Variants in MS4A4E observed in about 807,000 individuals in gnomAD.
MS4A4E encodes the protein putative membrane-spanning 4-domains subfamily A member 4E.
A neutral mutation model predicts 13.3 loss-of-function variants in MS4A4E; 23 were observed. The ratio of observed to expected loss-of-function variants is 1.73; its 90% CI spans 1.25 to 2.45. MS4A4E has a LOEUF of 2.45. Among genes scored for constraint, MS4A4E ranks in the 30% most tolerant of loss-of-function variants. The pLI is 0.00. For synonymous variants in MS4A4E, 36 were observed against 45.6 expected, an observed-to-expected ratio of 0.79 and a Z score of 0.85; for missense variants, 144 against 131.2, an observed-to-expected ratio of 1.10 and a Z score of -0.48.
chr11:60,204,846 A>G (rs957567622), intron 8 of MS4A4E, among the ~76,000 whole-genome samples, 44 bp downstream of exon 8: 1 of 152,236 alleles, frequency 6.6e-6, no homozygotes, highest in Non-Finnish European at 1.5e-5. Flanking sequence ...CATAATAGTA[A>G]GCAACAGTAT....
intron 1 of MS4A4E, among the ~76,000 whole-genome samples, chr11:60,241,817 C>T (rs2084555900): frequency 6.6e-6 from 1 of 152,170 alleles, no homozygotes; most frequent in African/African-American, 2.4e-5. Flanking sequence ...CTTGGTTTTG[C>T]CACATCACCT....
intron 1 of MS4A4E, among the ~76,000 whole-genome samples, chr11:60,236,745 T>C (rs2084488102): frequency 6.6e-6 from 1 of 151,988 alleles, no homozygotes; most frequent in Non-Finnish European, 1.5e-5. Flanking sequence ...TTTTTTTTTT[T>C]TTAAATTTTG....
At chr11:60,230,101 G>A (rs1200198497) in intron 1 of MS4A4E, 30 bp from the exon 2 acceptor site, 1 of 1,542,356 alleles carries the variant, frequency 6.5e-7, no homozygotes, top group Non-Finnish European at 8.7e-7. Context: ...TTAGGATGAG[G>A]TCCTGGAAAT....
intron 5 of MS4A4E, among the ~76,000 whole-genome samples, chr11:60,211,842 G>T (rs1291735720): frequency 6.6e-6 from 1 of 152,150 alleles, no homozygotes; most frequent in Non-Finnish European, 1.5e-5. Flanking sequence ...GAACCCAGGA[G>T]GTGGAGTTTG....
chr11:60,232,976 C>T (rs1431760583), intron 1 of MS4A4E, among the ~76,000 whole-genome samples: 1 of 152,114 alleles, frequency 6.6e-6, no homozygotes, highest in Admixed American at 6.5e-5. Context: ...TCTCTGGGCA[C>T]CCATAGCTTT....
intron 3 of MS4A4E, among the ~76,000 whole-genome samples, chr11:60,222,582 A>G (rs915898538): frequency 6.6e-6 from 1 of 152,184 alleles, no homozygotes; most frequent in Non-Finnish European, 1.5e-5. Flanking sequence ...GGGTCCAGAA[A>G]TCAAGGGGTA....
chr11:60,232,062 C>T lies in MS4A4E; in HGVS notation c.-16-1991G>A, dbSNP rs1040252058. On this transcript the variant is annotated intron_variant, in intron 1 of 8. Coordinates refer to ENST00000651255, the MANE Select transcript of MS4A4E (RefSeq NM_001393391.1). ...AATAATGTTGACAGAAAAAATTTTGCCAATGTGTTAAATAACAAGGAATAG... is the reference window on the plus strand; with the variant it reads ...AATAATGTTGACAGAAAAAATTTTGTCAATGTGTTAAATAACAAGGAATAG... Among the ~76,000 whole-genome samples the T allele has an allele frequency of 2.6e-5, 4 of 151,596 alleles. No homozygotes were observed. In the East Asian group the frequency reaches 7.7e-4, roughly 29 times the overall value.
At chr11:60,203,887 A>G (rs993017114) in intron 8 of MS4A4E, among the ~76,000 whole-genome samples, 2 of 152,250 alleles carry the variant, frequency 1.3e-5, no homozygotes, top group Non-Finnish European at 2.9e-5. Context: ...CCAAATAAAG[A>G]ATAAATTTAA....
At chr11:60,225,865 C>CT (rs1451997603) in intron 3 of MS4A4E, among the ~76,000 whole-genome samples, 2 of 150,784 alleles carry the variant, frequency 1.3e-5, no homozygotes, top group Admixed American at 6.6e-5. Flanking sequence ...AAATCCAATG[C>CT]TTTTTTTTAA....
At chr11:60,233,059 C>T (rs2084433143) in intron 1 of MS4A4E, among the ~76,000 whole-genome samples, 1 of 152,112 alleles carries the variant, frequency 6.6e-6, no homozygotes, top group South Asian at 2.1e-4. Context: ...TGACCTGTCC[C>T]CTGGAGTCCA....
intron 1 of MS4A4E, among the ~76,000 whole-genome samples, chr11:60,237,089 C>A (rs543150028): frequency 6.6e-6 from 1 of 152,272 alleles, no homozygotes; most frequent in Admixed American, 6.5e-5. Context: ...CTGCTCCTCT[C>A]CCTTTTCCCA....
In MS4A4E at chr11:60,216,450, CT is replaced by C. The variant is rs1459801509; in HGVS notation, c.179-1837del. Among the ~76,000 whole-genome samples the C allele has an allele frequency of 5.3e-5, 8 of 152,244 alleles. No homozygotes were observed. In the East Asian group the frequency reaches 1.5e-3, roughly 29 times the overall value. On this transcript the variant is annotated intron_variant, in intron 3 of 8. Coordinates refer to ENST00000651255, the MANE Select transcript of MS4A4E (RefSeq NM_001393391.1). The stretch of plus-strand genomic sequence containing the variant: ...ATCTTGAGCAAGTTACTTAACCTCT[CT>C]TCATCCATAAAATGAAGATAATGAG...
At chr11:60,233,917 A>G (rs1034511990) in intron 1 of MS4A4E, among the ~76,000 whole-genome samples, 3 of 152,246 alleles carry the variant, frequency 2.0e-5, no homozygotes, top group Non-Finnish European at 4.4e-5. Flanking sequence ...CAGCAAAGAT[A>G]TGGGAGCAGG....
chr11:60,207,605 C>T (rs7929589), intron 6 of MS4A4E, among the ~76,000 whole-genome samples: 51,279 of 152,006 alleles, frequency 0.34, 9,442 homozygotes, highest in South Asian at 0.51. Flanking sequence ...GAAACAATCT[C>T]CTCAAACTAC....
chr11:60,213,333 C>T (rs141121475), intron 4 of MS4A4E: 40 of 1,529,376 alleles, frequency 2.6e-5, no homozygotes, highest in Non-Finnish European at 3.4e-5. Flanking sequence ...CAGATAATTC[C>T]TGTGAGAAGA....
At chr11:60,232,284 AACACACACACACACAC>A (rs3221531) in intron 1 of MS4A4E, among the ~76,000 whole-genome samples, 10 of 130,166 alleles carry the variant, frequency 7.7e-5, no homozygotes, top group Non-Finnish European at 1.3e-4. Context: ...CATCGCCATC[AACACACACACACACAC>A]ACACACACAC....
intron 3 of MS4A4E, among the ~76,000 whole-genome samples, chr11:60,217,720 CTT>C (rs1196963322): frequency 6.6e-6 from 1 of 152,210 alleles, no homozygotes; most frequent in Non-Finnish European, 1.5e-5. Context: ...TTCATGGACA[CTT>C]ATCACTTCCT....
intron 5 of MS4A4E, among the ~76,000 whole-genome samples, chr11:60,210,007 C>G (rs1476583640): frequency 6.6e-6 from 1 of 152,192 alleles, no homozygotes. Context: ...CCCCTGTCTT[C>G]AAGGATTTTA....
chr11:60,225,778 C>T (rs182363802), intron 3 of MS4A4E, among the ~76,000 whole-genome samples: 19 of 148,264 alleles, frequency 1.3e-4, no homozygotes, highest in East Asian at 5.9e-4. Context: ...TCCAAGTAAG[C>T]GGAAGAAAAA....
Sources: gnomAD v4.1 joint callset for allele counts (sites outside exome capture counted in the v4.1 genomes callset) on GRCh38, gnomAD v4.1.1 for gene constraint, MANE v1.5 for transcripts, NCBI Gene and HGNC (gene_info 2026-07-23, HGNC 2026-07-21) for gene names.